GPC5: variants seen among roughly 807,000 people sequenced by gnomAD.
GPC5 encodes glypican-5.
Under a neutral mutation model 53.9 loss-of-function variants are expected in GPC5, and 47 were observed. That is an observed-to-expected ratio of 0.87 (90% CI 0.69 to 1.11). The LOEUF is 1.11. Ranked by LOEUF, GPC5 falls within the 50% of genes most tolerant of loss-of-function variation. GPC5 has a pLI of 0.00. For synonymous variants in GPC5, 286 were observed against 263.3 expected, an observed-to-expected ratio of 1.09 and a Z score of -0.84; for missense variants, 748 against 713.1, an observed-to-expected ratio of 1.05 and a Z score of -0.56.
At chr13:91,710,933 G>A (rs163931) in intron 3 of GPC5, among the ~76,000 whole-genome samples, 8 of 152,088 alleles carry the variant, frequency 5.3e-5, no homozygotes, top group Non-Finnish European at 1.2e-4. Flanking sequence ...AAATGTGGGT[G>A]GTTTCCACGC....
chr13:91,616,152 G>A lies in GPC5; in HGVS notation c.326-77035G>A, dbSNP rs150122298. On this transcript the variant is annotated intron_variant, in intron 2 of 7. Coordinates refer to ENST00000377067, the MANE Select transcript of GPC5 (RefSeq NM_004466.6). Reference sequence around the variant, plus strand: ...TATATTGCCTAGGAAGAGAGTTTACGGCCTTTGAATGAGCAACTTACTATT... The same window carrying A: ...TATATTGCCTAGGAAGAGAGTTTACAGCCTTTGAATGAGCAACTTACTATT... Among the ~76,000 whole-genome samples, 612 of 152,134 alleles carry A rather than the reference G, an allele frequency of 4.0e-3. 4 individuals are homozygous for A. The highest frequency in any genetic ancestry group is 0.019 in the Admixed American group (287 of 15,268).
At chr13:92,628,875 T>A (rs16947826) in intron 7 of GPC5, among the ~76,000 whole-genome samples, 6,340 of 152,294 alleles carry the variant, frequency 0.042, 189 homozygotes, top group Admixed American at 0.1. Flanking sequence ...ACCAGAGGGC[T>A]TCAAAGAAAT....
At chr13:92,240,329 G>A (rs1031404191) in intron 7 of GPC5, 1 of 151,484 alleles carries the variant, frequency 6.6e-6, no homozygotes, top group Non-Finnish European at 1.5e-5. Context: ...AATATATTAA[G>A]CAATTCTTAG....
chr13:92,275,876 T>C (rs1344965465), intron 7 of GPC5, among the ~76,000 whole-genome samples: 1 of 152,164 alleles, frequency 6.6e-6, no homozygotes, highest in African/African-American at 2.4e-5. Context: ...GACCCAGTAA[T>C]AGGTTGACAT....
At chr13:91,974,623 T>G (rs1177143325) in intron 6 of GPC5, among the ~76,000 whole-genome samples, 1 of 152,052 alleles carries the variant, frequency 6.6e-6, no homozygotes, top group Non-Finnish European at 1.5e-5. Flanking sequence ...TAAAAGAGGA[T>G]ACAAACAAAT....
chr13:92,404,736 T>A (rs996818838), intron 7 of GPC5, among the ~76,000 whole-genome samples: 4 of 149,922 alleles, frequency 2.7e-5, no homozygotes, highest in Non-Finnish European at 1.5e-5. Context: ...AGCCAGTCTT[T>A]GACAGAGTCC....
intron 7 of GPC5, among the ~76,000 whole-genome samples, chr13:92,841,090 A>G (rs1878413582): frequency 6.6e-6 from 1 of 152,044 alleles, no homozygotes; most frequent in Non-Finnish European, 1.5e-5. Context: ...TCCAATTCAT[A>G]TGCCCTTTTA....
intron 7 of GPC5, among the ~76,000 whole-genome samples, chr13:92,668,500 C>T (rs1320963220): frequency 6.6e-6 from 1 of 151,984 alleles, no homozygotes; most frequent in South Asian, 2.1e-4. Flanking sequence ...CTATGTTTAA[C>T]TTTAAATAAG....
At chr13:91,807,787 G>C (rs1218522402) in intron 5 of GPC5, among the ~76,000 whole-genome samples, 1 of 152,152 alleles carries the variant, frequency 6.6e-6, no homozygotes, top group Non-Finnish European at 1.5e-5. Context: ...ATCATGTCAA[G>C]CAATATTTTC....
intron 7 of GPC5, among the ~76,000 whole-genome samples, chr13:92,183,174 T>G (rs970618493): frequency 6.6e-6 from 1 of 152,216 alleles, no homozygotes; most frequent in Non-Finnish European, 1.5e-5. Context: ...ACATAGCCTT[T>G]CAAGACATAT....
Position 92,176,864 on chromosome 13 carries a change from C to A in GPC5, c.1561+31875C>A, listed in dbSNP as rs143146705. Among the ~76,000 whole-genome samples the A allele has an allele frequency of 7.3e-3, 1,118 of 152,278 alleles. 10 individuals are homozygous for A. Among genetic ancestry groups the A allele is most frequent in the African/African-American group, 0.025 (1,031 of 41,552 alleles). On this transcript the variant is annotated intron_variant, in intron 7 of 7. Coordinates refer to ENST00000377067, the MANE Select transcript of GPC5 (RefSeq NM_004466.6). ...GCTTCTTTACATACTGTATCTACAGCTGGATAATTCAATTCTCCATCTATT... is the reference window on the plus strand; with the variant it reads ...GCTTCTTTACATACTGTATCTACAGATGGATAATTCAATTCTCCATCTATT...
chr13:92,559,871 T>C (rs1487544626), intron 7 of GPC5, among the ~76,000 whole-genome samples: 1 of 151,274 alleles, frequency 6.6e-6, no homozygotes, highest in Non-Finnish European at 1.5e-5. Context: ...CCTCCTCATA[T>C]GACCACAGCT....
chr13:92,352,850 T>C (rs2043490727), intron 7 of GPC5, among the ~76,000 whole-genome samples: 2 of 152,342 alleles, frequency 1.3e-5, no homozygotes, highest in African/African-American at 4.8e-5. Context: ...ATTTGGTATA[T>C]ATCCAAGAGC....
At chr13:92,760,022 T>G (rs1343402009) in intron 7 of GPC5, among the ~76,000 whole-genome samples, 3 of 152,120 alleles carry the variant, frequency 2.0e-5, no homozygotes, top group Non-Finnish European at 2.9e-5. Context: ...CATTGACTGA[T>G]TTGCACATGT....
chr13:92,613,120 C>A (rs1237723884), intron 7 of GPC5, among the ~76,000 whole-genome samples: 1 of 148,956 alleles, frequency 6.7e-6, no homozygotes, highest in Non-Finnish European at 1.5e-5. Flanking sequence ...AAGCAATACG[C>A]CTGAATTAAA....
chr13:92,478,373 C>T (rs923128743), intron 7 of GPC5, among the ~76,000 whole-genome samples: 7 of 152,068 alleles, frequency 4.6e-5, no homozygotes, highest in African/African-American at 1.4e-4. Context: ...TTTTAGAAAT[C>T]GGCTTTGAGT....
At chr13:92,545,014 A>C (rs1281067176) in intron 7 of GPC5, among the ~76,000 whole-genome samples, 2 of 151,892 alleles carry the variant, frequency 1.3e-5, no homozygotes, top group East Asian at 3.9e-4. Flanking sequence ...GGTGTGCTGC[A>C]CCCATTAACT....
chr13:91,805,513 C>T (rs1283699266), intron 5 of GPC5, among the ~76,000 whole-genome samples: 1 of 152,108 alleles, frequency 6.6e-6, no homozygotes. Flanking sequence ...GCATGTATCT[C>T]GCAACACACA....
At chr13:91,813,387 C>T (rs760534045) in intron 5 of GPC5, among the ~76,000 whole-genome samples, 17 of 152,308 alleles carry the variant, frequency 1.1e-4, no homozygotes, top group Non-Finnish European at 2.2e-4. Flanking sequence ...GCCAAGATTT[C>T]GGCTGCTGTG....
Sources: allele counts gnomAD v4.1 joint callset (sites outside exome capture counted in the v4.1 genomes callset), GRCh38; gene constraint gnomAD v4.1.1; transcripts MANE v1.5; gene names NCBI Gene and HGNC (gene_info 2026-07-23, HGNC 2026-07-21).